Variants in GRIN2B observed in about 807,000 individuals in gnomAD.
GRIN2B encodes the protein glutamate ionotropic receptor NMDA type subunit 2B.
Under a neutral mutation model 114.5 loss-of-function variants are expected in GRIN2B, and 5 were observed. The observed-to-expected ratio is 0.04, with a 90% CI of 0.02 to 0.09. The LOEUF (loss-of-function observed/expected upper bound fraction) is 0.09, where lower values mean the gene tolerates loss of function less well. Among genes scored for constraint, GRIN2B ranks in the 10% least tolerant of loss-of-function variants. The pLI, the probability that GRIN2B is intolerant of heterozygous loss-of-function variation, is 1.00. For missense variants in GRIN2B, 1,108 were observed against 1,943.5 expected (o/e 0.57, Z 8.08); for synonymous variants, 787 against 745.1 (o/e 1.06, Z -0.92).
At chr12:13,869,424 A>T (rs74067138) in intron 2 of GRIN2B, among the ~76,000 whole-genome samples, 8,852 of 152,000 alleles carry the variant, frequency 0.058, 347 homozygotes, top group African/African-American at 0.11. Flanking sequence ...AATGGTGGCC[A>T]ATACTGAGTT....
At chr12:13,941,776 T>C (rs1351255960) in intron 2 of GRIN2B, among the ~76,000 whole-genome samples, 1 of 152,208 alleles carries the variant, frequency 6.6e-6, no homozygotes, top group African/African-American at 2.4e-5. Flanking sequence ...GATCTACGTG[T>C]GTGCAAACCA....
chr12:13,662,972 G>C (rs1031163790), intron 5 of GRIN2B, among the ~76,000 whole-genome samples: 5 of 152,166 alleles, frequency 3.3e-5, no homozygotes, highest in African/African-American at 1.2e-4. Context: ...AAATGTCTGT[G>C]ATCAGCGGCC....
At chr12:13,881,015 C>T (rs11055661) in intron 2 of GRIN2B, among the ~76,000 whole-genome samples, 26,666 of 124,528 alleles carry the variant, frequency 0.21, 2,403 homozygotes, top group Non-Finnish European at 0.26. Context: ...TGTGTGTGTG[C>T]GCGTGCGCGC....
chr12:13,946,961 A>C (rs1867372579), intron 2 of GRIN2B, among the ~76,000 whole-genome samples: 1 of 152,156 alleles, frequency 6.6e-6, no homozygotes, highest in Non-Finnish European at 1.5e-5. Context: ...CATATAGTAA[A>C]ATTTGGGTAA....
At chr12:13,805,316 G>C (rs220579) in intron 3 of GRIN2B, among the ~76,000 whole-genome samples, 148,392 of 152,224 alleles carry the variant, frequency 0.97, 72,441 homozygotes, top group Middle Eastern at 1. Flanking sequence ...GTATTTCCTA[G>C]CAGAAACCAG....
chr12:13,949,015 C>T (rs1211515089), intron 2 of GRIN2B, among the ~76,000 whole-genome samples: 2 of 152,156 alleles, frequency 1.3e-5, no homozygotes, highest in South Asian at 2.1e-4. Flanking sequence ...CTACTACTTT[C>T]CCTGTATCAC....
chr12:13,765,251 C>A (rs1032686587), intron 3 of GRIN2B, among the ~76,000 whole-genome samples: 9 of 152,232 alleles, frequency 5.9e-5, no homozygotes, highest in African/African-American at 2.2e-4. Flanking sequence ...ACCCTGAGAA[C>A]ACATTAGTCC....
At position 13,562,487 on chromosome 12, in the gene GRIN2B, C is replaced by T. The variant is rs201406793; in HGVS notation, c.*296G>A. The T allele has an allele frequency of 5.0e-6, 2 of 398,974 alleles. No homozygotes were observed. The highest frequency in any genetic ancestry group is 9.1e-6 in the Non-Finnish European group (2 of 220,234). 24.7% of individuals were successfully genotyped at this position (398,974 alleles called of 1,614,324 possible). On this transcript the variant is annotated 3_prime_UTR_variant, in exon 14 of 14. Transcript: ENST00000609686. Reference sequence around the variant, plus strand: ...ACCAGGAGGAAGCCCGCATGCAGCCCTTCCTTTCTCCGCTCTACCCTCCCC... The same window carrying T: ...ACCAGGAGGAAGCCCGCATGCAGCCTTTCCTTTCTCCGCTCTACCCTCCCC...
chr12:13,691,578 T>C (rs1950215400), intron 4 of GRIN2B, among the ~76,000 whole-genome samples: 1 of 152,172 alleles, frequency 6.6e-6, no homozygotes, highest in South Asian at 2.1e-4. Context: ...CCAGGTTGCT[T>C]TGATTATATT....
At chr12:13,932,168 T>C (rs867061526) in intron 2 of GRIN2B, among the ~76,000 whole-genome samples, 2 of 152,174 alleles carry the variant, frequency 1.3e-5, no homozygotes, top group African/African-American at 4.8e-5. Flanking sequence ...ACATTGACTG[T>C]CTAGCTACTG....
chr12:13,962,075 G>A (rs933109977), intron 2 of GRIN2B, among the ~76,000 whole-genome samples: 1 of 96,664 alleles, frequency 1.0e-5, no homozygotes, highest in Non-Finnish European at 2.3e-5. Context: ...CTCAGATTCT[G>A]TCTCTCTCAT....
At chr12:13,718,045 T>C (rs1226483369) in intron 4 of GRIN2B, among the ~76,000 whole-genome samples, 1 of 152,024 alleles carries the variant, frequency 6.6e-6, no homozygotes, top group African/African-American at 2.4e-5. Flanking sequence ...GATGATTCAT[T>C]CCCTGCATCT....
At chr12:13,589,420 G>T (rs111666951) in intron 10 of GRIN2B, among the ~76,000 whole-genome samples, 4 of 152,190 alleles carry the variant, frequency 2.6e-5, no homozygotes, top group African/African-American at 4.8e-5. Context: ...TTTCTATTCT[G>T]AGGGCCTCTA....
intron 2 of GRIN2B, among the ~76,000 whole-genome samples, chr12:13,904,163 A>G (rs890479984): frequency 3.3e-5 from 5 of 151,850 alleles, no homozygotes; most frequent in African/African-American, 1.2e-4. Context: ...GCTTAAATTT[A>G]TCACCTTATT....
intron 3 of GRIN2B, among the ~76,000 whole-genome samples, chr12:13,852,708 A>C (rs1865590321): frequency 6.6e-6 from 1 of 151,638 alleles, no homozygotes; most frequent in Non-Finnish European, 1.5e-5. Context: ...AAAAAAAAAA[A>C]AACAGATCAC....
chr12:13,755,569 C>T (rs1291600585), intron 3 of GRIN2B, among the ~76,000 whole-genome samples: 1 of 152,066 alleles, frequency 6.6e-6, no homozygotes, highest in Non-Finnish European at 1.5e-5. Context: ...GAGGGTGAGG[C>T]ACCAAGAATA....
At chr12:13,845,984 G>T (rs11055641) in intron 3 of GRIN2B, among the ~76,000 whole-genome samples, 34,409 of 152,020 alleles carry the variant, frequency 0.23, 4,040 homozygotes, top group South Asian at 0.31. Context: ...GTGCATTTTT[G>T]ATGGCTTTCC....
chr12:13,927,549 G>C (rs1244838232), intron 2 of GRIN2B, among the ~76,000 whole-genome samples: 1 of 152,116 alleles, frequency 6.6e-6, no homozygotes, highest in Non-Finnish European at 1.5e-5. Flanking sequence ...TAGCAGACCA[G>C]ATTTGGCCTA....
chr12:13,591,840 T>C (rs2136441751), intron 10 of GRIN2B, among the ~76,000 whole-genome samples: 1 of 152,364 alleles, frequency 6.6e-6, no homozygotes, highest in South Asian at 2.1e-4. Context: ...TTGTCCTCAA[T>C]AGTTCATTTA....
Sources: gnomAD v4.1 joint callset for allele counts (sites outside exome capture counted in the v4.1 genomes callset) on GRCh38, gnomAD v4.1.1 for gene constraint, MANE v1.5 for transcripts, NCBI Gene and HGNC (gene_info 2026-07-23, HGNC 2026-07-21) for gene names.